BICD1: variants seen among roughly 807,000 people sequenced by gnomAD.
BICD1 encodes the protein BICD cargo adaptor 1.
A neutral mutation model predicts 92.5 loss-of-function variants in BICD1; 35 were observed. The observed-to-expected ratio is 0.38, with a 90% confidence interval of 0.29 to 0.50. The LOEUF is 0.50. Ranked by LOEUF, BICD1 falls within the 20% of genes least tolerant of loss-of-function variation. The probability of loss-of-function intolerance (pLI) is 0.93; values close to 1 mark genes in which losing one functional copy is unlikely to be tolerated. For synonymous variants in BICD1, 429 were observed against 465.1 expected, an observed-to-expected ratio of 0.92 and a Z score of 1.00; for missense variants, 950 against 1,189.8, an observed-to-expected ratio of 0.80 and a Z score of 2.97.
rs960282664 is a variant in BICD1, at chr12:32,313,405, GTAT to G, written c.1005+7290_1005+7292del. ...TTATAACAACTGTATGGGGTAGAGAGTATTATTATCTTCATATTATAGATAGGG... is the reference window on the plus strand; with the variant it reads ...TTATAACAACTGTATGGGGTAGAGAGTATTATCTTCATATTATAGATAGGG... On this transcript the variant is annotated intron_variant, in intron 4 of 9. Transcript: ENST00000652176. This position sits in a 1 kb window ranked among gnomAD's most constrained non-coding sequence, Gnocchi z 4.2. Among the ~76,000 whole-genome samples the G allele has an allele frequency of 1.3e-5, 2 of 152,106 alleles. No homozygotes were observed. Among genetic ancestry groups the G allele is most frequent in the African/African-American group, 4.8e-5 (2 of 41,422 alleles).
At chr12:32,190,760 C>T (rs1414487362) in intron 1 of BICD1, among the ~76,000 whole-genome samples, 2 of 152,166 alleles carry the variant, frequency 1.3e-5, no homozygotes, top group Non-Finnish European at 2.9e-5. Flanking sequence ...AACAGACATA[C>T]ACAGACCATC....
intron 3 of BICD1, among the ~76,000 whole-genome samples, chr12:32,295,702 G>A (rs1228046529): frequency 6.8e-6 from 1 of 147,746 alleles, no homozygotes; most frequent in East Asian, 2.0e-4. Context: ...TGCCCAGGCT[G>A]GAGTGCAGTG....
chr12:32,295,210 C>G (rs1266930208), intron 3 of BICD1, among the ~76,000 whole-genome samples: 1 of 151,592 alleles, frequency 6.6e-6, no homozygotes, highest in Non-Finnish European at 1.5e-5. Flanking sequence ...CTTAATTTTC[C>G]TGATTGGTTT....
At chr12:32,176,963 A>G (rs1944106711) in intron 1 of BICD1, among the ~76,000 whole-genome samples, 2 of 151,364 alleles carry the variant, frequency 1.3e-5, no homozygotes, top group Admixed American at 1.3e-4. Context: ...TAGGGTAGTT[A>G]TATGTTACTT....
chr12:32,125,907 G>A (rs183618756), intron 1 of BICD1, among the ~76,000 whole-genome samples: 227 of 151,746 alleles, frequency 1.5e-3, no homozygotes, highest in African/African-American at 5.2e-3. Context: ...AAATTAGGCA[G>A]ACATGGTGGC....
At chr12:32,371,971 G>T (rs1177118241) in intron 9 of BICD1, among the ~76,000 whole-genome samples, 2 of 152,332 alleles carry the variant, frequency 1.3e-5, no homozygotes, top group African/African-American at 4.8e-5. Flanking sequence ...ACACAACTGA[G>T]CCTAGTGACT....
intron 8 of BICD1, among the ~76,000 whole-genome samples, chr12:32,348,554 C>CA (rs78597044): frequency 0.031 from 4,671 of 151,386 alleles, 270 homozygotes; most frequent in East Asian, 0.29. Flanking sequence ...TAAGTCCACC[C>CA]ATACATTGCT....
chr12:32,131,403 G>A (rs1221371501), intron 1 of BICD1, among the ~76,000 whole-genome samples: 3 of 152,050 alleles, frequency 2.0e-5, no homozygotes, highest in Non-Finnish European at 4.4e-5. Flanking sequence ...CTCTCTCATC[G>A]GATGATTATT....
intron 2 of BICD1, among the ~76,000 whole-genome samples, chr12:32,287,496 T>C (rs1947600669): frequency 6.6e-6 from 1 of 151,924 alleles, no homozygotes; most frequent in Non-Finnish European, 1.5e-5. Flanking sequence ...ATGATTCTGT[T>C]GGTCAGCAAT....
chr12:32,187,635 G>A (rs1354006992), intron 1 of BICD1, among the ~76,000 whole-genome samples: 2 of 151,870 alleles, frequency 1.3e-5, no homozygotes, highest in South Asian at 2.1e-4. Flanking sequence ...TTGTGCCCCC[G>A]CACTCCAGCC....
rs79140650 is a variant in BICD1, at chr12:32,285,078, G to A, written c.427-8916G>A. On this transcript the variant is annotated intron_variant, in intron 2 of 9. Coordinates refer to ENST00000652176, the MANE Select transcript of BICD1 (RefSeq NM_001714.4). ...AGCATTGCCTTCAACACAAATATAA[G>A]GCTACTTCTGTTTGAAGGTTTATCT... Among the ~76,000 whole-genome samples the A allele has an allele frequency of 8.9e-3, 1,355 of 152,244 alleles. 43 individuals are homozygous for A. In the East Asian group the frequency reaches 0.11, roughly 12 times the overall value.
intron 1 of BICD1, among the ~76,000 whole-genome samples, chr12:32,113,744 C>T (rs1941785598): frequency 6.8e-6 from 1 of 147,956 alleles, no homozygotes; most frequent in Admixed American, 6.8e-5. Context: ...GAATCTCACT[C>T]TATCACCCAG....
intron 1 of BICD1, among the ~76,000 whole-genome samples, chr12:32,212,294 T>C (rs1446510126): frequency 6.6e-6 from 1 of 152,172 alleles, no homozygotes; most frequent in Non-Finnish European, 1.5e-5. Context: ...AGTTGTTTCT[T>C]ACAATGATTA....
intron 8 of BICD1, among the ~76,000 whole-genome samples, chr12:32,367,295 T>C (rs1186976862): frequency 6.6e-6 from 1 of 152,180 alleles, no homozygotes; most frequent in African/African-American, 2.4e-5. Flanking sequence ...GAATAAGAGA[T>C]CTAAGTGCTA....
chr12:32,364,354 G>T (rs1278787759), intron 8 of BICD1, among the ~76,000 whole-genome samples: 2 of 152,124 alleles, frequency 1.3e-5, no homozygotes, highest in Non-Finnish European at 2.9e-5. Flanking sequence ...CGGAGCAGGG[G>T]AGATCACTCA....
At chr12:32,268,828 C>T (rs1423471655) in intron 2 of BICD1, among the ~76,000 whole-genome samples, 2 of 152,072 alleles carry the variant, frequency 1.3e-5, no homozygotes, top group East Asian at 1.9e-4. Context: ...AATTTTCACC[C>T]ATTGACAAAA....
At chr12:32,203,220 T>G (rs139182410) in intron 1 of BICD1, among the ~76,000 whole-genome samples, 2 of 152,332 alleles carry the variant, frequency 1.3e-5, no homozygotes, top group East Asian at 3.9e-4. Flanking sequence ...ACTTAAGTTA[T>G]AAAAGGCAAA....
intron 1 of BICD1, among the ~76,000 whole-genome samples, chr12:32,192,453 AATAG>A (rs66461342): frequency 1.1e-3 from 165 of 149,176 alleles, no homozygotes; most frequent in Non-Finnish European, 1.9e-3. Flanking sequence ...TAAATAAATA[AATAG>A]ATAGATAGAT....
intron 2 of BICD1, among the ~76,000 whole-genome samples, chr12:32,224,472 T>C (rs1945625662): frequency 6.6e-6 from 1 of 152,244 alleles, no homozygotes; most frequent in Admixed American, 6.5e-5. Flanking sequence ...TCTATTTCTT[T>C]TGGTTGAAAA....
Sources: gnomAD v4.1 joint callset for allele counts (sites outside exome capture counted in the v4.1 genomes callset) on GRCh38, gnomAD v4.1.1 for gene constraint, Gnocchi (gnomAD v3.1) non-coding constraint, MANE v1.5 for transcripts, NCBI Gene and HGNC (gene_info 2026-07-23, HGNC 2026-07-21) for gene names.